The following PPP2R3C variants were observed in gnomAD, a reference collection of about 807,000 sequenced individuals.
PPP2R3C encodes the protein protein phosphatase 2 regulatory subunit B''gamma, also known as serine/threonine-protein phosphatase 2A regulatory subunit B'' subunit gamma.
Under a neutral mutation model 63.7 loss-of-function variants are expected in PPP2R3C, and 47 were observed. The observed-to-expected ratio is 0.74, with a 90% confidence interval of 0.58 to 0.94. PPP2R3C has a LOEUF of 0.94. Among genes scored for constraint, PPP2R3C ranks in the 40% least tolerant of loss-of-function variants. PPP2R3C has a pLI of 0.00. For missense variants in PPP2R3C, 421 were observed against 518.4 expected (o/e 0.81, Z 1.82); for synonymous variants, 180 against 177.4 (o/e 1.01, Z -0.12).
intron 1 of PPP2R3C, 173 bp downstream of exon 1, chr14:35,121,729 T>C: frequency 3.0e-6 from 2 of 665,786 alleles, no homozygotes; most frequent in Non-Finnish European, 5.0e-6. Context: ...CCCAGGAAAG[T>C]TTGGGTCAAA....
intron 6 of PPP2R3C, among the ~76,000 whole-genome samples, chr14:35,104,053 C>A (rs1288289853): frequency 2.0e-5 from 3 of 152,122 alleles, no homozygotes; most frequent in Non-Finnish European, 4.4e-5. Flanking sequence ...TGTTTCCATC[C>A]ATGGAAAGAG....
At chr14:35,118,068 A>G (rs567990818) in intron 1 of PPP2R3C, among the ~76,000 whole-genome samples, 1 of 152,276 alleles carries the variant, frequency 6.6e-6, no homozygotes, top group African/African-American at 2.4e-5. Flanking sequence ...TGTTGTAGAA[A>G]ACTGCAAAAT....
chr14:35,093,561 A>G (rs937909224), intron 10 of PPP2R3C, among the ~76,000 whole-genome samples: 1 of 151,954 alleles, frequency 6.6e-6, no homozygotes, highest in Non-Finnish European at 1.5e-5. Context: ...GCAAACTGCT[A>G]TTGAAGCTAA....
At chr14:35,088,165 A>C (rs771812338) in intron 11 of PPP2R3C, 155 bp from the exon 12 acceptor site, 6 of 661,782 alleles carry the variant, frequency 9.1e-6, no homozygotes, top group Admixed American at 2.4e-5. Flanking sequence ...TCTTGACCTT[A>C]TTCCACATCA....
chr14:35,094,482 A>T (rs745994839), intron 10 of PPP2R3C, among the ~76,000 whole-genome samples: 2,119 of 97,798 alleles, frequency 0.022, 26 homozygotes, highest in African/African-American at 0.047. Flanking sequence ...GCTTTTTTTT[A>T]AAAAAAAAAA....
chr14:35,094,401 T>C (rs2138625667), intron 10 of PPP2R3C, among the ~76,000 whole-genome samples: 1 of 152,104 alleles, frequency 6.6e-6, no homozygotes, highest in Non-Finnish European at 1.5e-5. Context: ...ACGACTGGCC[T>C]TAAGTGGTTC....
intron 1 of PPP2R3C, chr14:35,117,272 G>A (rs2046737236): frequency 4.8e-6 from 2 of 418,490 alleles, no homozygotes; most frequent in Non-Finnish European, 9.6e-6. Flanking sequence ...ATTGGCACGT[G>A]GCTGTCTCAT....
chr14:35,122,016 A>C, upstream of PPP2R3C: 1 of 1,594,926 alleles, frequency 6.3e-7, no homozygotes, highest in Non-Finnish European at 8.6e-7. Flanking sequence ...CTCCACCCCT[A>C]CCAGCTCAGG....
intron 10 of PPP2R3C, among the ~76,000 whole-genome samples, chr14:35,093,000 A>G (rs770899767): frequency 2.1e-4 from 32 of 152,176 alleles, no homozygotes; most frequent in East Asian, 5.8e-4. Flanking sequence ...CAGAAGGTCA[A>G]GAGATCGAGA....
chr14:35,116,077 C>T (rs2046702453), intron 2 of PPP2R3C, among the ~76,000 whole-genome samples: 1 of 152,130 alleles, frequency 6.6e-6, no homozygotes, highest in African/African-American at 2.4e-5. Flanking sequence ...AAAAAGCCCA[C>T]AGTTTAACAA....
At chr14:35,121,780 TG>T in intron 1 of PPP2R3C, 121 bp downstream of exon 1, 1 of 1,101,710 alleles carries the variant, frequency 9.1e-7, no homozygotes, top group Non-Finnish European at 1.3e-6. Flanking sequence ...CCGCCTCCTT[TG>T]TCGGGAGGTT....
intron 1 of PPP2R3C, among the ~76,000 whole-genome samples, chr14:35,119,149 C>T (rs1049511597): frequency 2.0e-5 from 3 of 151,776 alleles, no homozygotes; most frequent in South Asian, 2.1e-4. Flanking sequence ...GCGATTCTCC[C>T]GCTTCAGCCT....
intron 6 of PPP2R3C, among the ~76,000 whole-genome samples, chr14:35,105,684 A>G (rs577297851): frequency 1.3e-5 from 2 of 152,272 alleles, no homozygotes; most frequent in South Asian, 2.1e-4. Flanking sequence ...GGAAAAAAAA[A>G]GAAAAACCTG....
intron 6 of PPP2R3C, among the ~76,000 whole-genome samples, chr14:35,106,204 G>A (rs986375409): frequency 6.6e-6 from 1 of 152,156 alleles, no homozygotes; most frequent in African/African-American, 2.4e-5. Context: ...TGGGGTTATA[G>A]GTCAGCAAAG....
chr14:35,089,817 C>T (rs994760796), intron 11 of PPP2R3C, among the ~76,000 whole-genome samples: 5 of 149,922 alleles, frequency 3.3e-5, no homozygotes, highest in African/African-American at 9.9e-5. Flanking sequence ...AGGCGCCCGC[C>T]ACCACGCCCG....
chr14:35,116,186 T>C (rs1393371879), intron 2 of PPP2R3C, among the ~76,000 whole-genome samples: 2 of 151,992 alleles, frequency 1.3e-5, no homozygotes, highest in African/African-American at 4.8e-5. Context: ...AAATAATATA[T>C]AAAATTTAAA....
At chr14:35,116,912 A>G (rs2046726239) in intron 1 of PPP2R3C, among the ~76,000 whole-genome samples, 175 bp from the exon 2 acceptor site, 1 of 152,068 alleles carries the variant, frequency 6.6e-6, no homozygotes, top group Admixed American at 6.6e-5. Context: ...AAGAATCACT[A>G]CCCTCTACTG....
At chr14:35,088,082 C>T in intron 11 of PPP2R3C, 72 bp from the exon 12 acceptor site, 1 of 1,048,450 alleles carries the variant, frequency 9.5e-7, no homozygotes, top group East Asian at 2.5e-5. Flanking sequence ...CCTACAACCC[C>T]TTTCTACTTA....
At chr14:35,121,780 T>C in intron 1 of PPP2R3C, 122 bp downstream of exon 1, 1 of 1,101,710 alleles carries the variant, frequency 9.1e-7, no homozygotes, top group Non-Finnish European at 1.3e-6. Flanking sequence ...CCGCCTCCTT[T>C]GTCGGGAGGT....
Sources: allele counts gnomAD v4.1 joint callset (sites outside exome capture counted in the v4.1 genomes callset), GRCh38; gene constraint gnomAD v4.1.1; transcripts MANE v1.5; gene names NCBI Gene and HGNC (gene_info 2026-07-23, HGNC 2026-07-21).